Variants in EYS observed in about 807,000 individuals in gnomAD.
The protein encoded by EYS is protein eyes shut homolog.
Under a neutral mutation model 282.1 loss-of-function variants are expected in EYS, and 250 were observed. The ratio of observed to expected loss-of-function variants is 0.89; its 90% CI spans 0.80 to 0.98. The LOEUF is 0.98. Among genes scored for constraint, EYS ranks in the 50% least tolerant of loss-of-function variants. The probability of loss-of-function intolerance (pLI) is 0.00; values close to 1 mark genes in which losing one functional copy is unlikely to be tolerated. For synonymous variants in EYS, 1,355 were observed against 1,282.9 expected, an observed-to-expected ratio of 1.06 and a Z score of -1.20; for missense variants, 4,016 against 3,709.0, an observed-to-expected ratio of 1.08 and a Z score of -2.15.
At chr6:63,899,575 T>C (rs1010523042) in intron 35 of EYS, among the ~76,000 whole-genome samples, 1 of 152,220 alleles carries the variant, frequency 6.6e-6, no homozygotes, top group Admixed American at 6.5e-5. Context: ...ATTTTGCCTG[T>C]ACCCAGAACA....
intron 22 of EYS, among the ~76,000 whole-genome samples, chr6:64,761,148 C>G (rs1215364085): frequency 6.6e-6 from 1 of 152,130 alleles, no homozygotes; most frequent in African/African-American, 2.4e-5. Flanking sequence ...AAAGCCATTG[C>G]AATATTCTCC....
chr6:64,995,112 T>C (rs1241553283), intron 14 of EYS, among the ~76,000 whole-genome samples: 1 of 152,068 alleles, frequency 6.6e-6, no homozygotes, highest in Non-Finnish European at 1.5e-5. Flanking sequence ...GCTTGGCCCC[T>C]GCAGGAGCTG....
chr6:64,413,541 A>G (rs1157228079), intron 28 of EYS, among the ~76,000 whole-genome samples: 1 of 142,262 alleles, frequency 7.0e-6, no homozygotes, highest in African/African-American at 2.8e-5. Flanking sequence ...CAACAACAAC[A>G]ACAACAACAA....
chr6:65,008,808 G>A (rs985613286), intron 13 of EYS, among the ~76,000 whole-genome samples: 2 of 152,138 alleles, frequency 1.3e-5, no homozygotes, highest in Non-Finnish European at 2.9e-5. Flanking sequence ...ACCATTGAGG[G>A]CCAGGAGGTT....
intron 1 of EYS, among the ~76,000 whole-genome samples, chr6:65,699,854 C>A (rs562416764): frequency 1.3e-5 from 2 of 152,156 alleles, no homozygotes; most frequent in East Asian, 3.9e-4. Context: ...GTGGCTCACG[C>A]CTGTAATCCC....
chr6:64,950,829 ATATATT>A (rs200923799), intron 14 of EYS, among the ~76,000 whole-genome samples: 2,194 of 119,342 alleles, frequency 0.018, 117 homozygotes, highest in Admixed American at 0.11. Context: ...ATATATATAT[ATATATT>A]GTTGAATTGT....
chr6:63,942,178 C>A (rs2149758812), intron 35 of EYS, among the ~76,000 whole-genome samples: 1 of 152,184 alleles, frequency 6.6e-6, no homozygotes, highest in South Asian at 2.1e-4. Context: ...AAGATAATCC[C>A]AGTAGAGAGA....
At chr6:64,095,690 G>A (rs1004238584) in intron 31 of EYS, among the ~76,000 whole-genome samples, 10 of 152,054 alleles carry the variant, frequency 6.6e-5, no homozygotes, top group Admixed American at 2.0e-4. Flanking sequence ...CACACTGATG[G>A]GTCTTGACTC....
intron 28 of EYS, among the ~76,000 whole-genome samples, chr6:64,390,592 A>G (rs1773089766): frequency 6.6e-6 from 1 of 150,988 alleles, no homozygotes; most frequent in Non-Finnish European, 1.5e-5. Context: ...ACTAACAAAC[A>G]GAAAGGACAT....
At chr6:64,597,352 G>A (rs1317645784) in intron 24 of EYS, among the ~76,000 whole-genome samples, 5 of 152,076 alleles carry the variant, frequency 3.3e-5, no homozygotes, top group African/African-American at 4.8e-5. Context: ...CAATTCAGCA[G>A]TCCCACTACT....
intron 5 of EYS, among the ~76,000 whole-genome samples, chr6:65,457,813 G>A (rs780262139): frequency 3.8e-4 from 58 of 152,072 alleles, no homozygotes; most frequent in Non-Finnish European, 7.2e-4. Flanking sequence ...AATTAGATGT[G>A]TACAAGTTTG....
At chr6:65,330,991 G>T in intron 11 of EYS, 1 of 984,302 alleles carries the variant, frequency 1.0e-6, no homozygotes, top group Non-Finnish European at 1.2e-6. Context: ...ATATACTCGG[G>T]TTGTTGTCAG....
At chr6:65,247,612 CAT>C (rs965439721) in intron 12 of EYS, among the ~76,000 whole-genome samples, 4 of 151,970 alleles carry the variant, frequency 2.6e-5, no homozygotes, top group African/African-American at 7.2e-5. Flanking sequence ...GGGGAGAAAA[CAT>C]ATTCTCTTTC....
intron 8 of EYS, among the ~76,000 whole-genome samples, chr6:65,374,883 C>A (rs573514667): frequency 6.6e-6 from 1 of 152,252 alleles, no homozygotes; most frequent in East Asian, 1.9e-4. Flanking sequence ...CTGCCCCAGT[C>A]AGGGGATTAT....
At chr6:64,917,416 T>C (rs1449319424) in intron 15 of EYS, among the ~76,000 whole-genome samples, 1 of 152,204 alleles carries the variant, frequency 6.6e-6, no homozygotes, top group Admixed American at 6.5e-5. Flanking sequence ...TATTAAGGCA[T>C]ATAGGCTTTT....
intron 5 of EYS, among the ~76,000 whole-genome samples, chr6:65,482,580 A>G (rs1333240058): frequency 3.3e-5 from 5 of 152,212 alleles, no homozygotes; most frequent in Non-Finnish European, 4.4e-5. Context: ...TCTATTCTTC[A>G]CAAATTCTAC....
intron 41 of EYS, among the ~76,000 whole-genome samples, chr6:63,728,134 A>G (rs1420183494): frequency 1.3e-5 from 2 of 152,130 alleles, no homozygotes; most frequent in Non-Finnish European, 2.9e-5. Flanking sequence ...TAAGACAAAC[A>G]ATATAAAAGT....
intron 22 of EYS, among the ~76,000 whole-genome samples, chr6:64,701,355 T>G (rs1770781390): frequency 6.6e-6 from 1 of 151,992 alleles, no homozygotes; most frequent in Non-Finnish European, 1.5e-5. Flanking sequence ...AATAGATAAA[T>G]GAGACTTAAA....
At chr6:64,736,124 T>G (rs1307113932) in intron 22 of EYS, among the ~76,000 whole-genome samples, 1 of 152,068 alleles carries the variant, frequency 6.6e-6, no homozygotes, top group Non-Finnish European at 1.5e-5. Context: ...TAATAAAAAT[T>G]CACAGTAAAT....
Sources: gnomAD v4.1 joint callset for allele counts (sites outside exome capture counted in the v4.1 genomes callset) on GRCh38, gnomAD v4.1.1 for gene constraint, MANE v1.5 for transcripts, NCBI Gene and HGNC (gene_info 2026-07-23, HGNC 2026-07-21) for gene names.